The following CNIH3 variants were observed in gnomAD, a reference collection of about 807,000 sequenced individuals.
The protein encoded by CNIH3 is protein cornichon homolog 3.
In CNIH3, 14 loss-of-function variants were observed where a neutral mutation model predicts 24.1. The ratio of observed to expected loss-of-function variants is 0.58; its 90% confidence interval spans 0.38 to 0.91. The LOEUF is 0.91. Ranked by LOEUF, CNIH3 falls within the 40% of genes least tolerant of loss-of-function variation. The probability of loss-of-function intolerance (pLI) is 0.00; values close to 1 mark genes in which losing one functional copy is unlikely to be tolerated. For synonymous variants in CNIH3, 68 were observed against 73.8 expected, an observed-to-expected ratio of 0.92 and a Z score of 0.40; for missense variants, 178 against 196.8, an observed-to-expected ratio of 0.90 and a Z score of 0.57.
At chr1:224,495,579 T>G (rs1422942334) in intron 1 of CNIH3, among the ~76,000 whole-genome samples, 1 of 152,208 alleles carries the variant, frequency 6.6e-6, no homozygotes, top group Non-Finnish European at 1.5e-5. Flanking sequence ...AGATGCAGTC[T>G]TACAGCAGTG....
intron 1 of CNIH3, among the ~76,000 whole-genome samples, chr1:224,497,605 G>A (rs905783261): frequency 4.6e-5 from 7 of 152,194 alleles, no homozygotes; most frequent in Admixed American, 1.3e-4. Context: ...TATGGGTTGG[G>A]AACCCTTTGT....
intron 1 of CNIH3, among the ~76,000 whole-genome samples, chr1:224,668,062 A>G (rs965611261): frequency 6.6e-6 from 1 of 152,252 alleles, no homozygotes; most frequent in South Asian, 2.1e-4. Flanking sequence ...AAAGATAGAC[A>G]TGAAACATAA....
chr1:224,723,876 G>A (rs1244829259), intron 3 of CNIH3, among the ~76,000 whole-genome samples: 1 of 152,148 alleles, frequency 6.6e-6, no homozygotes, highest in East Asian at 1.9e-4. Flanking sequence ...AGTTCCTGGT[G>A]TACATAAAAT....
At chr1:224,574,776 A>G in intron 4 of CNIH3, 1 of 1,077,984 alleles carries the variant, frequency 9.3e-7, no homozygotes, top group Non-Finnish European at 1.4e-6. Context: ...CTGGCCAACC[A>G]GCTTCAAGCC....
At chr1:224,618,780 C>T (rs929602394) in intron 1 of CNIH3, among the ~76,000 whole-genome samples, 6 of 152,210 alleles carry the variant, frequency 3.9e-5, no homozygotes, top group African/African-American at 1.4e-4. Context: ...ATGATTAAAA[C>T]AATTCCGCTA....
chr1:224,726,637 C>T (rs1316047566), intron 3 of CNIH3, among the ~76,000 whole-genome samples: 1 of 152,102 alleles, frequency 6.6e-6, no homozygotes, highest in East Asian at 1.9e-4. Context: ...CTCTGGTTCC[C>T]ATAAGTGATT....
At chr1:224,526,864 A>G (rs1386886919) in intron 2 of CNIH3, among the ~76,000 whole-genome samples, 1 of 152,124 alleles carries the variant, frequency 6.6e-6, no homozygotes, top group African/African-American at 2.4e-5. Context: ...GAGCCTACAC[A>G]TAACATGGTG....
At chr1:224,535,830 G>A (rs1679261022) in intron 2 of CNIH3, among the ~76,000 whole-genome samples, 2 of 152,202 alleles carry the variant, frequency 1.3e-5, no homozygotes, top group Admixed American at 1.3e-4. Flanking sequence ...CCCAGAGCTG[G>A]GGACAGCGGT....
intron 4 of CNIH3, among the ~76,000 whole-genome samples, chr1:224,732,776 G>GGGA (rs1428105340): frequency 6.6e-6 from 1 of 152,180 alleles, no homozygotes; most frequent in Non-Finnish European, 1.5e-5. Context: ...TTGTCCAAAA[G>GGGA]GGAGGAAAAG....
chr1:224,616,393 C>A lies in CNIH3; in HGVS notation c.-782C>A. ...GCGAGCTACAGCGTTTGGCCTGAAA[C>A]CCACTGCTGCAGCCACCCGGGCTGG... On this transcript the variant is annotated 5_prime_UTR_variant, in exon 1 of 6. Coordinates refer to ENST00000272133, the MANE Select transcript of CNIH3 (RefSeq NM_152495.2). 1.1e-6 allele frequency: 1 copy of A among 884,888 alleles called. No individual in the cohort carries two copies. The highest frequency in any genetic ancestry group is 1.4e-6 in the Non-Finnish European group (1 of 728,420). The allele number at this position is 884,888 out of a possible 1,614,324, so 54.8% of individuals were successfully genotyped here.
intron 1 of CNIH3, among the ~76,000 whole-genome samples, chr1:224,483,341 C>T (rs890647040): frequency 1.3e-5 from 2 of 151,826 alleles, no homozygotes; most frequent in African/African-American, 4.8e-5. Context: ...CAGAGTAAGA[C>T]TCTGTCTCAA....
At chr1:224,676,398 ACTGTT>A (rs1384882934) in intron 1 of CNIH3, among the ~76,000 whole-genome samples, 1 of 152,082 alleles carries the variant, frequency 6.6e-6, no homozygotes, top group Non-Finnish European at 1.5e-5. Flanking sequence ...GGGTGATAGA[ACTGTT>A]CTGTGTCTTG....
At chr1:224,514,566 C>T (rs141153132), upstream of CNIH3, among the ~76,000 whole-genome samples, 6,975 of 152,288 alleles carry the variant, frequency 0.046, 312 homozygotes, top group East Asian at 0.16. Flanking sequence ...CATAATGGCT[C>T]ACACCTGTAA....
chr1:224,445,298 G>A (rs764231616), intron 1 of CNIH3, among the ~76,000 whole-genome samples: 3 of 151,518 alleles, frequency 2.0e-5, no homozygotes, highest in African/African-American at 4.9e-5. Flanking sequence ...CCTTTTGGCC[G>A]GGTGTGGTGG....
chr1:224,548,061 T>G (rs1322619502), intron 3 of CNIH3, among the ~76,000 whole-genome samples: 1 of 152,038 alleles, frequency 6.6e-6, no homozygotes, highest in Non-Finnish European at 1.5e-5. Context: ...AGGGAGATAC[T>G]TCTCCTAATA....
intron 4 of CNIH3, among the ~76,000 whole-genome samples, chr1:224,577,764 C>T (rs1271177073): frequency 6.6e-6 from 1 of 152,192 alleles, no homozygotes; most frequent in Non-Finnish European, 1.5e-5. Context: ...GACACTTGCA[C>T]ATGCAGGTTT....
intron 2 of CNIH3, chr1:224,529,044 A>T (rs1434872917): frequency 2.6e-5 from 4 of 152,240 alleles, no homozygotes; most frequent in African/African-American, 9.6e-5. Context: ...GGAGATGGAC[A>T]CTGTGAGGGC....
At position 224,739,536 on chromosome 1, in the gene CNIH3, C is replaced by T. The variant is rs1287301381; in HGVS notation, c.*180C>T. ...GCAGCTGGGAGCCGAGTTAACCCTG[C>T]GTGTCTGTGTCACCCTGTTTGTCAA... On this transcript the variant is annotated 3_prime_UTR_variant, in exon 6 of 6. Transcript: ENST00000272133. 1.4e-5 allele frequency: 16 copies of T among 1,120,934 alleles called. No homozygotes were observed. The highest frequency in any genetic ancestry group is 5.4e-5 in the Admixed American group (2 of 36,722). 69.4% of individuals were successfully genotyped at this position (1,120,934 alleles called of 1,614,324 possible).
At chr1:224,669,161 GGGGCTA>G (rs1685742457) in intron 1 of CNIH3, among the ~76,000 whole-genome samples, 1 of 152,180 alleles carries the variant, frequency 6.6e-6, no homozygotes, top group Non-Finnish European at 1.5e-5. Context: ...CGAGTCAGCT[GGGGCTA>G]GGTCTGCCTG....
Sources: allele counts gnomAD v4.1 joint callset (sites outside exome capture counted in the v4.1 genomes callset), GRCh38; gene constraint gnomAD v4.1.1; transcripts MANE v1.5; gene names NCBI Gene and HGNC (gene_info 2026-07-23, HGNC 2026-07-21).